PACRG: variants seen among roughly 807,000 people sequenced by gnomAD.
PACRG encodes the protein parkin coregulated gene protein.
A neutral mutation model predicts 29.7 loss-of-function variants in PACRG; 29 were observed. The observed-to-expected ratio is 0.98, with a 90% CI of 0.73 to 1.33. The LOEUF (loss-of-function observed/expected upper bound fraction) is 1.33, where lower values mean the gene tolerates loss of function less well. Ranked by LOEUF, PACRG falls within the 40% of genes most tolerant of loss-of-function variation. The probability of loss-of-function intolerance (pLI) is 0.00; values close to 1 mark genes in which losing one functional copy is unlikely to be tolerated. For synonymous variants in PACRG, 116 were observed against 118.7 expected (o/e 0.98, Z 0.15); for missense variants, 279 against 316.2 (o/e 0.88, Z 0.89).
rs528535108 is a variant in PACRG at position 162,919,170 on chromosome 6, C to T, written c.291+104889C>T. 2.6e-4 allele frequency among the ~76,000 whole-genome samples: 39 copies of T among 152,234 alleles called. No individual in the cohort carries two copies. In the South Asian group the frequency reaches 4.6e-3, roughly 18 times the overall value. Reference sequence around the variant, plus strand: ...AGCAGTTTACGAGGCATATTTTAGACGAAGAACATAGCATGAACAAATTCA... The same window carrying T: ...AGCAGTTTACGAGGCATATTTTAGATGAAGAACATAGCATGAACAAATTCA... On this transcript the variant is annotated intron_variant, in intron 2 of 4. Coordinates refer to ENST00000366888, the MANE Select transcript of PACRG (RefSeq NM_001080379.2).
At chr6:162,975,769 T>TCTCC (rs145828950) in intron 2 of PACRG, among the ~76,000 whole-genome samples, 77,103 of 150,898 alleles carry the variant, frequency 0.51, 20,317 homozygotes, top group East Asian at 0.78. Context: ...GTCCTTCTTC[T>TCTCC]CTCCCTCCCT....
intron 4 of PACRG, among the ~76,000 whole-genome samples, chr6:163,177,044 G>C (rs1076766): frequency 0.31 from 47,689 of 151,978 alleles, 7,770 homozygotes; most frequent in East Asian, 0.46. Flanking sequence ...CCTGGAGACT[G>C]TTGCTGTATC....
At chr6:163,285,299 T>A (rs956052974) in intron 4 of PACRG, among the ~76,000 whole-genome samples, 4 of 152,006 alleles carry the variant, frequency 2.6e-5, no homozygotes, top group Non-Finnish European at 4.4e-5. Flanking sequence ...TTTACGCCCC[T>A]GTCTCCTTCC....
chr6:163,222,763 C>A (rs1585346453), intron 4 of PACRG, among the ~76,000 whole-genome samples: 1 of 152,110 alleles, frequency 6.6e-6, no homozygotes, highest in South Asian at 2.1e-4. Flanking sequence ...TTCTGCAGAA[C>A]CCAATATTGA....
intron 2 of PACRG, among the ~76,000 whole-genome samples, chr6:162,904,816 G>T (rs890548505): frequency 9.2e-5 from 14 of 152,334 alleles, no homozygotes; most frequent in African/African-American, 3.4e-4. Flanking sequence ...TTACAAAAGA[G>T]TAAGGAGATG....
rs76264891 is a variant in PACRG at position 163,254,422 on chromosome 6, A to T, written c.614-60405A>T. Among the ~76,000 whole-genome samples, 614 of 152,280 alleles carry T rather than the reference A, an allele frequency of 4.0e-3. 3 individuals are homozygous for T. Among genetic ancestry groups the T allele is most frequent in the African/African-American group, 0.014 (574 of 41,554 alleles). On this transcript the variant is annotated intron_variant, in intron 4 of 4. Coordinates refer to ENST00000366888, the MANE Select transcript of PACRG (RefSeq NM_001080379.2). Reference sequence around the variant, plus strand: ...CCATTGAAGTAGGACTTTAAATTCCACCCGAAAACAATCCCAACAAACAGA... The same window carrying T: ...CCATTGAAGTAGGACTTTAAATTCCTCCCGAAAACAATCCCAACAAACAGA...
In PACRG at chr6:163,018,621, T is replaced by C. The variant is rs532019724; in HGVS notation, c.292-43529T>C. On this transcript the variant is annotated intron_variant, in intron 2 of 4. Transcript: ENST00000366888. Reference sequence around the variant, plus strand: ...ACAACCTTTATGAGTGAATTGGTAATTTCGCCCAGATTTTATTTTTATTTT... The same window carrying C: ...ACAACCTTTATGAGTGAATTGGTAACTTCGCCCAGATTTTATTTTTATTTT... Among the ~76,000 whole-genome samples the C allele has an allele frequency of 2.0e-5, 3 of 152,320 alleles. No individual in the cohort carries two copies. The East Asian group carries it at 5.8e-4, about 29-fold the overall frequency.
intron 2 of PACRG, among the ~76,000 whole-genome samples, chr6:162,911,145 G>T (rs1334060918): frequency 6.6e-6 from 1 of 152,184 alleles, no homozygotes. Context: ...TTAAAATCAA[G>T]AACTAAGTTA....
Position 163,190,734 on chromosome 6 carries a change from A to G in PACRG, c.613+101326A>G, listed in dbSNP as rs1780173085. 2.6e-5 allele frequency: 6 copies of G among 235,252 alleles called. No individual in the cohort carries two copies. The South Asian group carries it at 3.2e-4, about 13-fold the overall frequency. 14.6% of individuals were successfully genotyped at this position (235,252 alleles called of 1,614,324 possible). A position where few individuals can be genotyped will look rare whatever the true frequency, so the allele number is the denominator to read the frequency against. On this transcript the variant is annotated intron_variant, in intron 4 of 4. Transcript: ENST00000366888. ...TTGGAGCCTAGAACTAGAATTGGGC[A>G]AAAGTGTAGGGCTCTTTCTCTTATA...
At chr6:162,763,604 A>C (rs915802449) in intron 1 of PACRG, among the ~76,000 whole-genome samples, 2 of 152,222 alleles carry the variant, frequency 1.3e-5, no homozygotes, top group African/African-American at 2.4e-5. Context: ...ACAGTATTTC[A>C]ACTATTGATA....
At chr6:163,234,484 A>G (rs542921833) in intron 4 of PACRG, among the ~76,000 whole-genome samples, 98 of 152,304 alleles carry the variant, frequency 6.4e-4, no homozygotes, top group Non-Finnish European at 1.2e-3. Flanking sequence ...CCAGAAGCAG[A>G]TGCTGGTGCC....
intron 2 of PACRG, among the ~76,000 whole-genome samples, chr6:162,855,885 TAGTC>T (rs1183140390): frequency 2.0e-5 from 3 of 152,268 alleles, no homozygotes; most frequent in Admixed American, 1.3e-4. Flanking sequence ...ATGTTGTTGC[TAGTC>T]AGTTATGGCC....
intron 1 of PACRG, among the ~76,000 whole-genome samples, chr6:162,787,582 GTATATATA>G (rs869254835): frequency 0.048 from 2,982 of 62,406 alleles, 106 homozygotes; most frequent in Non-Finnish European, 0.067. Flanking sequence ...GTGTGTGTGT[GTATATATA>G]TATATATATA....
At chr6:162,850,238 C>G (rs1790745851) in intron 2 of PACRG, among the ~76,000 whole-genome samples, 1 of 152,150 alleles carries the variant, frequency 6.6e-6, no homozygotes, top group Non-Finnish European at 1.5e-5. Flanking sequence ...ATATGTGTAG[C>G]TTTATAGTGA....
At chr6:162,794,729 G>C (rs1785232174) in intron 1 of PACRG, among the ~76,000 whole-genome samples, 1 of 152,084 alleles carries the variant, frequency 6.6e-6, no homozygotes, top group South Asian at 2.1e-4. Flanking sequence ...TTTCCCATAT[G>C]ATCAAGTTTA....
intron 4 of PACRG, among the ~76,000 whole-genome samples, chr6:163,226,579 A>C (rs1192409925): frequency 6.6e-6 from 1 of 152,236 alleles, no homozygotes; most frequent in Non-Finnish European, 1.5e-5. Context: ...GGTCCCAGGC[A>C]ATCTCCACTT....
intron 2 of PACRG, among the ~76,000 whole-genome samples, chr6:162,904,494 G>A (rs1021436473): frequency 1.3e-5 from 2 of 152,192 alleles, no homozygotes; most frequent in African/African-American, 2.4e-5. Context: ...GGCAGTGTCC[G>A]ATTCCTGGAT....
At chr6:163,140,545 G>A (rs936860706) in intron 4 of PACRG, among the ~76,000 whole-genome samples, 1 of 152,202 alleles carries the variant, frequency 6.6e-6, no homozygotes, top group Non-Finnish European at 1.5e-5. Flanking sequence ...AAAACTACTA[G>A]CTGGGAAAGA....
intron 4 of PACRG, among the ~76,000 whole-genome samples, chr6:163,226,927 A>G (rs1024850134): frequency 3.9e-5 from 6 of 152,238 alleles, no homozygotes; most frequent in African/African-American, 1.2e-4. Flanking sequence ...GTAGTTCATA[A>G]GTGTGATGAG....
Sources: allele counts gnomAD v4.1 joint callset (sites outside exome capture counted in the v4.1 genomes callset), GRCh38; gene constraint gnomAD v4.1.1; transcripts MANE v1.5; gene names NCBI Gene and HGNC (gene_info 2026-07-23, HGNC 2026-07-21).